PELI2: variants seen among roughly 807,000 people sequenced by gnomAD.
The protein encoded by PELI2 is E3 ubiquitin-protein ligase pellino homolog 2.
A neutral mutation model predicts 42.3 loss-of-function variants in PELI2; 23 were observed. The ratio of observed to expected loss-of-function variants is 0.54; its 90% CI spans 0.39 to 0.77. The LOEUF is 0.77. PELI2 is among the 30% of genes least tolerant of loss of function. The pLI is 0.00. For missense variants in PELI2, 463 were observed against 553.2 expected (o/e 0.84, Z 1.64); for synonymous variants, 245 against 212.2 (o/e 1.15, Z -1.34).
At chr14:56,237,514 CA>C (rs922585531) in intron 2 of PELI2, among the ~76,000 whole-genome samples, 48 of 151,970 alleles carry the variant, frequency 3.2e-4, no homozygotes, top group Admixed American at 5.9e-4. Context: ...TTCTTTGAAG[CA>C]ACACAGATGA....
intron 2 of PELI2, among the ~76,000 whole-genome samples, chr14:56,249,272 G>A (rs909110551): frequency 2.0e-5 from 3 of 152,088 alleles, no homozygotes; most frequent in African/African-American, 7.2e-5. Context: ...GAAAAGTAAG[G>A]CCCTGTGCCC....
intron 2 of PELI2, among the ~76,000 whole-genome samples, chr14:56,221,798 A>G (rs1594653537): frequency 6.6e-6 from 1 of 152,228 alleles, no homozygotes; most frequent in Non-Finnish European, 1.5e-5. Flanking sequence ...TTGCATGGTT[A>G]TGGCCTCCCT....
Position 56,298,435 on chromosome 14 carries a change from C to T in PELI2, c.*1269C>T, listed in dbSNP as rs1465997992. The T allele has an allele frequency of 6.6e-6, 1 of 152,528 alleles. No homozygotes were observed. Among genetic ancestry groups the T allele is most frequent in the Non-Finnish European group, 1.5e-5 (1 of 68,026 alleles). 9.4% of individuals were successfully genotyped at this position (152,528 alleles called of 1,614,324 possible). A position where few individuals can be genotyped will look rare whatever the true frequency, so the allele number is the denominator to read the frequency against. ...TAATTCTTGGATGCTTGGCATCGAT[C>T]GTATCACTGCTCCTAGAAGGTAAAG... On this transcript the variant is annotated 3_prime_UTR_variant, in exon 6 of 6. Coordinates refer to ENST00000267460, the MANE Select transcript of PELI2 (RefSeq NM_021255.3).
chr14:56,284,763 A>G (rs951306105), intron 3 of PELI2, among the ~76,000 whole-genome samples: 2 of 152,328 alleles, frequency 1.3e-5, no homozygotes, highest in Non-Finnish European at 2.9e-5. Flanking sequence ...TACTAGTTTC[A>G]TCTCTTGACC....
At chr14:56,172,913 C>T (rs1248472338) in intron 1 of PELI2, among the ~76,000 whole-genome samples, 1 of 152,166 alleles carries the variant, frequency 6.6e-6, no homozygotes. Flanking sequence ...ATAACTTTTT[C>T]CTGGTCCTGG....
rs1889411378 is a variant in PELI2 at position 56,279,701 on chromosome 14, G to A, written c.233G>A (p.Ser78Asn). The change falls in exon 3 of 6, where the codon AGT (serine) becomes AAT (asparagine). Residue 78 changes from serine (S) to asparagine (N), a missense_variant. By Grantham distance (46) the Ser-to-Asn change is conservative. Transcript: ENST00000267460. ...SKAISCKGQH[S>N]ISYTLSRNQT... ...GCTATCAGCTGCAAAGGTCAACACA[G>A]TATATCCTACACTTTGTCAAGGAAT... 2.5e-6 allele frequency: 4 copies of A among 1,597,146 alleles called. No individual in the cohort carries two copies. Among genetic ancestry groups the A allele is most frequent in the Non-Finnish European group, 3.4e-6 (4 of 1,165,832 alleles).
chr14:56,178,745 G>C (rs1885476082), intron 2 of PELI2, among the ~76,000 whole-genome samples: 1 of 152,218 alleles, frequency 6.6e-6, no homozygotes, highest in South Asian at 2.1e-4. Context: ...CCCGTCTCCT[G>C]GGGAGGGCTG....
At chr14:56,243,765 A>G (rs1031184541) in intron 2 of PELI2, among the ~76,000 whole-genome samples, 1 of 152,250 alleles carries the variant, frequency 6.6e-6, no homozygotes, top group African/African-American at 2.4e-5. Flanking sequence ...GCTCAAAATA[A>G]CATAAGCATA....
At chr14:56,193,014 A>G (rs761960849) in intron 2 of PELI2, among the ~76,000 whole-genome samples, 2 of 152,246 alleles carry the variant, frequency 1.3e-5, no homozygotes, top group Non-Finnish European at 2.9e-5. Context: ...GTGAATGCAT[A>G]TCTGACTCTT....
chr14:56,143,552 C>A (rs1226275806), intron 1 of PELI2, among the ~76,000 whole-genome samples: 2 of 152,184 alleles, frequency 1.3e-5, no homozygotes, highest in African/African-American at 4.8e-5. Context: ...TCCTTTATTT[C>A]TTTTTTTCTT....
intron 1 of PELI2, among the ~76,000 whole-genome samples, chr14:56,161,736 T>TA (rs1566613236): frequency 1.1e-4 from 17 of 152,026 alleles, no homozygotes; most frequent in Admixed American, 5.9e-4. Flanking sequence ...ATATATATAT[T>TA]TTTTTTCAGT....
At chr14:56,189,374 T>C (rs1885880147) in intron 2 of PELI2, among the ~76,000 whole-genome samples, 1 of 152,190 alleles carries the variant, frequency 6.6e-6, no homozygotes, top group Admixed American at 6.5e-5. Flanking sequence ...TCAAAGATTA[T>C]GTAGGACGAG....
chr14:56,193,270 G>T (rs1886015135), intron 2 of PELI2, among the ~76,000 whole-genome samples: 1 of 152,218 alleles, frequency 6.6e-6, no homozygotes, highest in South Asian at 2.1e-4. Context: ...GATGCCCCCA[G>T]ATGGGAGTAT....
At position 56,279,785 on chromosome 14, in the gene PELI2, T is replaced by G. The variant is rs755151688; in HGVS notation, c.309+8T>G. The G allele has an allele frequency of 2.1e-6, 3 of 1,462,398 alleles. No homozygotes were observed. The highest frequency in any genetic ancestry group is 2.8e-6 in the Non-Finnish European group (3 of 1,059,034). 90.6% of individuals were successfully genotyped at this position (1,462,398 alleles called of 1,614,324 possible). On this transcript the variant is annotated splice_region_variant and intron_variant, in intron 3 of 5. Coordinates refer to ENST00000267460, the MANE Select transcript of PELI2 (RefSeq NM_021255.3). Reference sequence around the variant, plus strand: ...GATACGGATATGTTTCAGGTAATATTTTTCTTTTTTAATAGAAATTTTAGC... The same window carrying G: ...GATACGGATATGTTTCAGGTAATATGTTTCTTTTTTAATAGAAATTTTAGC...
intron 1 of PELI2, among the ~76,000 whole-genome samples, chr14:56,126,976 T>A (rs1566594830): frequency 6.6e-6 from 1 of 152,228 alleles, no homozygotes; most frequent in Non-Finnish European, 1.5e-5. Flanking sequence ...TTGTTTTTTG[T>A]CTCCTCGGGT....
chr14:56,134,198 AG>A (rs1400987308), intron 1 of PELI2, among the ~76,000 whole-genome samples: 2 of 152,190 alleles, frequency 1.3e-5, no homozygotes, highest in Non-Finnish European at 2.9e-5. Flanking sequence ...AAGAAAGAGA[AG>A]GGGTTACAGT....
rs118000005 is a variant in PELI2, at chr14:56,155,509, A to G, written c.78-22826A>G. 7.1e-3 allele frequency among the ~76,000 whole-genome samples: 1,073 copies of G among 151,912 alleles called. 11 individuals carry two copies. Among genetic ancestry groups the G allele is most frequent in the South Asian group, 0.012 (57 of 4,820 alleles). On this transcript the variant is annotated intron_variant, in intron 1 of 5. Coordinates refer to ENST00000267460, the MANE Select transcript of PELI2 (RefSeq NM_021255.3). ...CCTCTCTTCATCATACATTACTTTTAATATATCAACAGTCTATTTCTGAAG... is the reference window on the plus strand; with the variant it reads ...CCTCTCTTCATCATACATTACTTTTGATATATCAACAGTCTATTTCTGAAG...
intron 2 of PELI2, among the ~76,000 whole-genome samples, chr14:56,203,401 G>A (rs1886405140): frequency 1.3e-5 from 2 of 151,958 alleles, no homozygotes; most frequent in South Asian, 4.1e-4. Flanking sequence ...AGCCAAAAAA[G>A]GTATGTTTTT....
At chr14:56,279,482 T>A (rs1889402654) in intron 2 of PELI2, among the ~76,000 whole-genome samples, 194 bp from the exon 3 acceptor site, 1 of 152,330 alleles carries the variant, frequency 6.6e-6, no homozygotes, top group East Asian at 1.9e-4. Flanking sequence ...GACAGAATAT[T>A]TGATAAAACC....
Sources: gnomAD v4.1 joint callset for allele counts (sites outside exome capture counted in the v4.1 genomes callset) on GRCh38, gnomAD v4.1.1 for gene constraint, MANE v1.5 for transcripts, NCBI Gene and HGNC (gene_info 2026-07-23, HGNC 2026-07-21) for gene names.